The following PCDHA5 variants were observed in gnomAD, a reference collection of about 807,000 sequenced individuals.
PCDHA5 encodes protocadherin alpha 5, also known as protocadherin alpha-5.
A neutral mutation model predicts 61.6 loss-of-function variants in PCDHA5; 43 were observed. That is an observed-to-expected ratio of 0.70 (90% CI 0.55 to 0.90). The LOEUF (loss-of-function observed/expected upper bound fraction) is 0.90, where lower values mean the gene tolerates loss of function less well. PCDHA5 is among the 40% of genes least tolerant of loss of function. PCDHA5 has a pLI of 0.00. For synonymous variants in PCDHA5, 627 were observed against 543.9 expected (o/e 1.15, Z -2.13); for missense variants, 1,298 against 1,222.7 (o/e 1.06, Z -0.92).
At chr5:140,862,755 C>A in intron 1 of PCDHA5, 1 of 577,344 alleles carries the variant, frequency 1.7e-6, no homozygotes, top group South Asian at 1.4e-5. Context: ...ACGCGGAGAG[C>A]GGCAAGAGGT....
chr5:140,834,722 G>T (rs1773225539), intron 1 of PCDHA5: 1 of 1,614,146 alleles, frequency 6.2e-7, no homozygotes, highest in Non-Finnish European at 8.5e-7. Context: ...TGGAAAGGCC[G>T]CTGCAGGTTT....
chr5:140,924,668 GC>G (rs2081945881), intron 1 of PCDHA5, among the ~76,000 whole-genome samples: 1 of 152,142 alleles, frequency 6.6e-6, no homozygotes, highest in Admixed American at 6.5e-5. Context: ...GCCGAGGCAG[GC>G]CAATCACTTG....
At chr5:140,886,554 A>G (rs2061020893) in intron 1 of PCDHA5, among the ~76,000 whole-genome samples, 1 of 152,078 alleles carries the variant, frequency 6.6e-6, no homozygotes, top group South Asian at 2.1e-4. Flanking sequence ...CCAGCTGGGC[A>G]CGGTGGCTCA....
intron 1 of PCDHA5, among the ~76,000 whole-genome samples, chr5:140,948,767 T>G (rs1266601836): frequency 6.6e-6 from 1 of 151,640 alleles, no homozygotes; most frequent in Non-Finnish European, 1.5e-5. Context: ...TTTTTTCGAA[T>G]AGCCAGCTTT....
At chr5:140,888,265 A>G (rs2061758269) in intron 1 of PCDHA5, among the ~76,000 whole-genome samples, 1 of 152,096 alleles carries the variant, frequency 6.6e-6, no homozygotes, top group Non-Finnish European at 1.5e-5. Flanking sequence ...TCTTGATAAG[A>G]AACAGTTTTG....
Position 140,856,651 on chromosome 5 carries a change from T to C in PCDHA5, c.2352+32524T>C, listed in dbSNP as rs1284108605. 10 of 1,598,112 alleles carry C rather than the reference T, an allele frequency of 6.3e-6. 1 individual carries two copies. The highest frequency in any genetic ancestry group is 6.9e-6 in the Non-Finnish European group (8 of 1,167,692). ...TTGTTCTGCGGAAGCTGCTGGATCG[T>C]GAAGAAAATCCTCAGCTAAAGTTGT... is the stretch of plus-strand genomic sequence containing the variant. On this transcript the variant is annotated intron_variant, in intron 1 of 3. Coordinates refer to ENST00000529859, the MANE Select transcript of PCDHA5 (RefSeq NM_018908.3).
intron 3 of PCDHA5, among the ~76,000 whole-genome samples, chr5:141,006,816 G>C (rs1554260932): frequency 6.6e-6 from 1 of 152,082 alleles, no homozygotes; most frequent in African/African-American, 2.4e-5. Flanking sequence ...TGAGAAATGG[G>C]GTAAATGGGG....
chr5:140,978,865 A>G, intron 1 of PCDHA5, 84 bp from the exon 2 acceptor site: 1 of 1,602,026 alleles, frequency 6.2e-7, no homozygotes, highest in South Asian at 1.1e-5. Flanking sequence ...GAAATATTTA[A>G]GGGAGTAACT....
intron 3 of PCDHA5, among the ~76,000 whole-genome samples, chr5:140,987,294 C>A (rs1406567852): frequency 6.6e-6 from 1 of 152,004 alleles, no homozygotes; most frequent in Non-Finnish European, 1.5e-5. Context: ...AACAAGCCTT[C>A]TATGTGATAC....
chr5:140,946,277 A>G (rs1055326524), intron 1 of PCDHA5, among the ~76,000 whole-genome samples: 5 of 152,186 alleles, frequency 3.3e-5, no homozygotes, highest in Admixed American at 1.3e-4. Context: ...TAAAACCCCA[A>G]TGAGATATCA....
chr5:140,884,120 G>C, intron 1 of PCDHA5: 2 of 1,613,324 alleles, frequency 1.2e-6, no homozygotes, highest in South Asian at 2.2e-5. Flanking sequence ...GGCGGTCGGC[G>C]CGCGCATCCC....
rs1174845394 is a variant in PCDHA5, at chr5:140,833,140, TGAAGCAATAC to T, written c.2352+9017_2352+9026del. On this transcript the variant is annotated intron_variant, in intron 1 of 3. Coordinates refer to ENST00000529859, the MANE Select transcript of PCDHA5 (RefSeq NM_018908.3). ...GTCATTTGAAAGCTGTCAAAAAGTG[TGAAGCAATAC>T]GAATAAAAAGTATTAACGGAAGATG... Among the ~76,000 whole-genome samples, 7 of 152,296 alleles carry T rather than the reference TGAAGCAATAC, an allele frequency of 4.6e-5. No individual in the cohort carries two copies. In the East Asian group the frequency reaches 1.3e-3, roughly 29 times the overall value.
intron 3 of PCDHA5, among the ~76,000 whole-genome samples, chr5:141,000,713 C>G (rs570396356): frequency 6.6e-6 from 1 of 151,652 alleles, no homozygotes; most frequent in Non-Finnish European, 1.5e-5. Context: ...CAGGCATGAG[C>G]CACTGTGCCT....
At chr5:140,948,819 A>G (rs1332127797) in intron 1 of PCDHA5, among the ~76,000 whole-genome samples, 5 of 151,420 alleles carry the variant, frequency 3.3e-5, no homozygotes, top group Middle Eastern at 3.4e-3. Context: ...TTTCTATTTC[A>G]TTAATTTCTG....
intron 1 of PCDHA5, chr5:140,841,827 C>T: frequency 6.2e-7 from 1 of 1,613,914 alleles, no homozygotes; most frequent in Non-Finnish European, 8.5e-7. Flanking sequence ...TCCGTGTTAA[C>T]CTACAGGCTT....
intron 1 of PCDHA5, chr5:140,966,833 C>G: frequency 2.6e-6 from 4 of 1,563,480 alleles, no homozygotes; most frequent in Non-Finnish European, 3.5e-6. Flanking sequence ...CATGCCCTGG[C>G]TGCTGCTACT....
At chr5:140,857,138 G>A in intron 1 of PCDHA5, 2 of 1,598,300 alleles carry the variant, frequency 1.3e-6, no homozygotes, top group Non-Finnish European at 1.7e-6. Context: ...AGATGCTCAA[G>A]TGGGCACCGT....
intron 1 of PCDHA5, among the ~76,000 whole-genome samples, chr5:140,909,538 A>T (rs1204423392): frequency 6.6e-6 from 1 of 152,148 alleles, no homozygotes; most frequent in East Asian, 1.9e-4. Context: ...TGAGTCCTTG[A>T]TGGTGGCACT....
At chr5:140,988,600 T>C (rs962869761) in intron 3 of PCDHA5, among the ~76,000 whole-genome samples, 15 of 152,214 alleles carry the variant, frequency 9.9e-5, no homozygotes, top group Non-Finnish European at 1.8e-4. Context: ...AATGGTCATG[T>C]AAATAAAAGA....
Sources: allele counts gnomAD v4.1 joint callset (sites outside exome capture counted in the v4.1 genomes callset), GRCh38; gene constraint gnomAD v4.1.1; transcripts MANE v1.5; gene names NCBI Gene and HGNC (gene_info 2026-07-23, HGNC 2026-07-21).